The following KLF13 variants were observed in gnomAD, a reference collection of about 807,000 sequenced individuals.
The protein encoded by KLF13 is KLF transcription factor 13.
In KLF13, 8 loss-of-function variants were observed where a neutral mutation model predicts 16.7. The ratio of observed to expected loss-of-function variants is 0.48; its 90% CI spans 0.28 to 0.87. KLF13 has a LOEUF of 0.87. KLF13 is among the 40% of genes least tolerant of loss of function. The probability of loss-of-function intolerance (pLI) is 0.10; values close to 1 mark genes in which losing one functional copy is unlikely to be tolerated. For missense variants in KLF13, 447 were observed against 452.2 expected (o/e 0.99, Z 0.10); for synonymous variants, 245 against 208.4 (o/e 1.18, Z -1.51).
At chr15:31,340,070 G>T in intron 1 of KLF13, 1 of 702,126 alleles carries the variant, frequency 1.4e-6, no homozygotes, top group South Asian at 1.5e-5. Flanking sequence ...TGTGTCCTGT[G>T]AGCCTCTCTG....
chr15:31,411,540 C>T lies in KLF13; in HGVS notation n.117+17849C>T, dbSNP rs374087557. Reference sequence around the variant, plus strand: ...CCTCCTGAGTAGCTGGGACTACAGGCGCCTGCCACCACACCTGGCTAATTT... The same window carrying T: ...CCTCCTGAGTAGCTGGGACTACAGGTGCCTGCCACCACACCTGGCTAATTT... On this transcript the variant is annotated intron_variant and non_coding_transcript_variant, in intron 1 of 1. Transcript: ENST00000558225. 4.7e-3 allele frequency among the ~76,000 whole-genome samples: 709 copies of T among 151,364 alleles called. 5 individuals are homozygous for T. The highest frequency in any genetic ancestry group is 0.01 in the Middle Eastern group (3 of 294).
intron 2 of KLF13, among the ~76,000 whole-genome samples, chr15:31,402,593 G>C (rs536554160): frequency 1.1e-4 from 17 of 152,342 alleles, no homozygotes; most frequent in Admixed American, 1.0e-3. Flanking sequence ...GGCTGTCAGC[G>C]GCACTGGGAC....
chr15:31,393,319 G>A (rs1461503494), intron 1 of KLF13: 2 of 152,598 alleles, frequency 1.3e-5, no homozygotes, highest in East Asian at 1.9e-4. Context: ...GGAGGTGACG[G>A]AGGTGTGCTG....
intron 1 of KLF13, among the ~76,000 whole-genome samples, chr15:31,423,139 G>GTATATGTATACGTATA (rs1491468052): frequency 7.3e-4 from 11 of 15,162 alleles, no homozygotes; most frequent in East Asian, 2.2e-3. Flanking sequence ...ATACGTATAC[G>GTATATGTATACGTATA]TATACGTATA....
chr15:31,382,317 G>A (rs1342200333), downstream of KLF13, among the ~76,000 whole-genome samples: 2 of 152,198 alleles, frequency 1.3e-5, no homozygotes, highest in East Asian at 1.9e-4. Flanking sequence ...GAGGGAGGGA[G>A]GTGTGAGTAG....
At chr15:31,346,456 G>C (rs2039119222) in intron 1 of KLF13, among the ~76,000 whole-genome samples, 1 of 152,154 alleles carries the variant, frequency 6.6e-6, no homozygotes, top group African/African-American at 2.4e-5. Context: ...TGGAGCTGCG[G>C]CCACCCACAC....
chr15:31,341,095 G>T (rs963900432), intron 1 of KLF13, among the ~76,000 whole-genome samples: 1 of 152,128 alleles, frequency 6.6e-6, no homozygotes, highest in African/African-American at 2.4e-5. Flanking sequence ...TGTTGTATTT[G>T]CATGACCTTC....
At chr15:31,356,985 T>G (rs1035130057) in intron 1 of KLF13, among the ~76,000 whole-genome samples, 3 of 152,204 alleles carry the variant, frequency 2.0e-5, no homozygotes, top group African/African-American at 7.2e-5. Flanking sequence ...GCAGTTCCTT[T>G]TATTTGGAGC....
At chr15:31,341,365 T>A (rs920497768) in intron 1 of KLF13, among the ~76,000 whole-genome samples, 1 of 152,184 alleles carries the variant, frequency 6.6e-6, no homozygotes, top group African/African-American at 2.4e-5. Context: ...TGTACGTGTG[T>A]GTGTCGGGTA....
rs1005641269 is a variant in KLF13, at chr15:31,370,052, T to C, written c.578-1958T>C. ...TTTCCTGTCTCCTTTTTCTTTTTTT[T>C]TTTTTTTTTTTTTTACTCTTTGACA... On this transcript the variant is annotated intron_variant, in intron 1 of 1. Transcript: ENST00000307145. Among the ~76,000 whole-genome samples the C allele has an allele frequency of 4.7e-3, 702 of 149,750 alleles. 3 individuals are homozygous for C. The highest frequency in any genetic ancestry group is 8.0e-3 in the Non-Finnish European group (539 of 67,478).
Position 31,423,107 on chromosome 15 carries a change from G to GTATATA in KLF13, n.118-12259_118-12258insTATATA, listed in dbSNP as rs1412478799. ...TATATATACGTATATATACGTATAC[G>GTATATA]TATACGTATATATACGTATATATAC... On this transcript the variant is annotated intron_variant and non_coding_transcript_variant, in intron 1 of 1. Transcript: ENST00000558225. Among the ~76,000 whole-genome samples the GTATATA allele has an allele frequency of 5.7e-4, 15 of 26,410 alleles. 4 individuals carry two copies. Among genetic ancestry groups the GTATATA allele is most frequent in the African/African-American group, 5.6e-3 (14 of 2,508 alleles). 17.3% of individuals were successfully genotyped at this position (26,410 alleles called of 152,430 possible). A position where few individuals can be genotyped will look rare whatever the true frequency, so the allele number is the denominator to read the frequency against.
At chr15:31,359,173 A>G (rs759409075) in intron 1 of KLF13, among the ~76,000 whole-genome samples, 1 of 152,196 alleles carries the variant, frequency 6.6e-6, no homozygotes, top group Non-Finnish European at 1.5e-5. Context: ...CTACTTATCC[A>G]TTGAGGAGCA....
intron 2 of KLF13, among the ~76,000 whole-genome samples, chr15:31,396,594 G>C (rs953869777): frequency 2.0e-5 from 3 of 152,204 alleles, no homozygotes; most frequent in Non-Finnish European, 1.5e-5. Context: ...CACAAGATCA[G>C]ATGAGCCAGT....
intron 1 of KLF13, among the ~76,000 whole-genome samples, chr15:31,346,728 C>T (rs2039127816): frequency 6.6e-6 from 1 of 152,220 alleles, no homozygotes; most frequent in African/African-American, 2.4e-5. Flanking sequence ...CCACCTGTGC[C>T]TCGAAATCTT....
downstream of KLF13, among the ~76,000 whole-genome samples, chr15:31,382,891 C>T (rs964099922): frequency 1.3e-5 from 2 of 152,256 alleles, no homozygotes; most frequent in Admixed American, 1.3e-4. Context: ...CATTTACAAG[C>T]ACATGATAGG....
intron 1 of KLF13, among the ~76,000 whole-genome samples, chr15:31,368,014 T>C (rs1337346041): frequency 1.4e-5 from 2 of 147,244 alleles, no homozygotes; most frequent in Non-Finnish European, 3.0e-5. Flanking sequence ...CCTGCCCCCT[T>C]TCTCCCCCTT....
chr15:31,428,602 C>G (rs1407289244), intron 1 of KLF13, among the ~76,000 whole-genome samples: 1 of 151,858 alleles, frequency 6.6e-6, no homozygotes, highest in Non-Finnish European at 1.5e-5. Flanking sequence ...GTCAGGAGAT[C>G]AAGACCATCC....
At chr15:31,338,837 C>A (rs1426086250) in intron 1 of KLF13, among the ~76,000 whole-genome samples, 2 of 152,108 alleles carry the variant, frequency 1.3e-5, no homozygotes, top group African/African-American at 4.8e-5. Flanking sequence ...TTCCTCTACT[C>A]CCCCTTGTAC....
chr15:31,423,164 T>TATACGTATACATATACGTGTATATATAC, intron 1 of KLF13, among the ~76,000 whole-genome samples: 1 of 25,372 alleles, frequency 3.9e-5, no homozygotes, highest in African/African-American at 3.6e-4. Context: ...CGTATATATA[T>TATACGTATACATATACGTGTATATATAC]GTATATATAT....
Sources: allele counts gnomAD v4.1 joint callset (sites outside exome capture counted in the v4.1 genomes callset), GRCh38; gene constraint gnomAD v4.1.1; transcripts MANE v1.5; gene names NCBI Gene and HGNC (gene_info 2026-07-23, HGNC 2026-07-21).